The following FBXO31 variants were observed in gnomAD, a reference collection of about 807,000 sequenced individuals.
The protein encoded by FBXO31 is F-box protein 31, also known as F-box only protein 31.
FBXO31 carries 24 observed loss-of-function variants against 54.4 expected under a neutral mutation model. The observed-to-expected ratio is 0.44, with a 90% CI of 0.32 to 0.62. The LOEUF (loss-of-function observed/expected upper bound fraction) is 0.62. FBXO31 is among the 20% of genes least tolerant of loss of function. The pLI is 0.05. For synonymous variants in FBXO31, 388 were observed against 335.6 expected, an observed-to-expected ratio of 1.16 and a Z score of -1.71; for missense variants, 665 against 787.1, an observed-to-expected ratio of 0.84 and a Z score of 1.86.
intron 1 of FBXO31, among the ~76,000 whole-genome samples, chr16:87,370,112 T>C (rs1001119471): frequency 2.6e-5 from 4 of 152,188 alleles, no homozygotes; most frequent in African/African-American, 4.8e-5. Flanking sequence ...TCCATCTCTC[T>C]GGTGGGAATG....
At chr16:87,372,193 C>T (rs1293458423) in intron 1 of FBXO31, among the ~76,000 whole-genome samples, 2 of 152,138 alleles carry the variant, frequency 1.3e-5, no homozygotes, top group Non-Finnish European at 2.9e-5. Flanking sequence ...CATTGCACTG[C>T]AGTCTAGGCA....
In FBXO31 at chr16:87,345,683, A is replaced by T. The variant is rs915025165; in HGVS notation, c.489+1491T>A. ...CAGGAGAAAGAAAACAAGAAAAAGA[A>T]AAAAAGACTGAACACATCAGAGAGC... On this transcript the variant is annotated intron_variant, in intron 3 of 8. Transcript: ENST00000311635. This position sits in a 1 kb window ranked among gnomAD's most constrained non-coding sequence, Gnocchi z 4.9. 1.3e-5 allele frequency among the ~76,000 whole-genome samples: 2 copies of T among 152,232 alleles called. No homozygotes were observed. Among genetic ancestry groups the T allele is most frequent in the Admixed American group, 1.3e-4 (2 of 15,278 alleles).
upstream of FBXO31, among the ~76,000 whole-genome samples, chr16:87,384,396 G>T (rs966723241): frequency 1.3e-5 from 2 of 152,314 alleles, no homozygotes; most frequent in African/African-American, 4.8e-5. Flanking sequence ...CCCGGGGAGG[G>T]CTTGGAGGGG....
Position 87,336,970 on chromosome 16 carries a change from C to G in FBXO31, c.733-706G>C, listed in dbSNP as rs1905061275. ...CAGTGTTTCCAGTCATTATCTAGAC[C>G]TAACTCTGAAAGGGACGCATAAGCA... On this transcript the variant is annotated intron_variant, in intron 5 of 8. Transcript: ENST00000311635. This position sits in a 1 kb window ranked among gnomAD's most constrained non-coding sequence, Gnocchi z 6.5. Among the ~76,000 whole-genome samples the G allele has an allele frequency of 6.6e-6, 1 of 152,074 alleles. No homozygotes were observed. The highest frequency in any genetic ancestry group is 2.1e-4 in the South Asian group (1 of 4,826).
chr16:87,370,846 G>A (rs919699821), intron 1 of FBXO31, among the ~76,000 whole-genome samples: 19 of 152,162 alleles, frequency 1.2e-4, no homozygotes, highest in East Asian at 5.8e-4. Context: ...TTGTACTTGC[G>A]CTAAATTAGG....
chr16:87,341,655 C>CAA (rs397854967), intron 5 of FBXO31, among the ~76,000 whole-genome samples: 841 of 70,606 alleles, frequency 0.012, 36 homozygotes, highest in Non-Finnish European at 0.013. Flanking sequence ...GACTCCGTCT[C>CAA]AAAAAAAAAA....
intron 8 of FBXO31, 45 bp downstream of exon 8, chr16:87,333,841 C>T (rs1392344356): frequency 7.8e-6 from 12 of 1,545,264 alleles, no homozygotes; most frequent in Admixed American, 1.9e-5. Flanking sequence ...TCGCTGAAGC[C>T]CATGCTGTCC....
intron 2 of FBXO31, among the ~76,000 whole-genome samples, chr16:87,355,439 G>A (rs973255288): frequency 1.3e-5 from 2 of 152,212 alleles, no homozygotes; most frequent in African/African-American, 4.8e-5. Context: ...ACAGGCATAG[G>A]TTGAGGCTGT....
chr16:87,347,176 C>T lies in FBXO31; in HGVS notation c.487G>A (p.Val163Met), dbSNP rs768474633. Reference protein sequence around the residue: ...IGPYGGLLNVVVDGLFIIGWM... With the variant: ...IGPYGGLLNVMVDGLFIIGWM... ...CGTCGCGAGGCTCCGGGACTTACCACCACGTTCAGCAGTCCTCCGTATGGC... is the reference window on the plus strand; with the variant it reads ...CGTCGCGAGGCTCCGGGACTTACCATCACGTTCAGCAGTCCTCCGTATGGC... Residue 163 changes from valine (V) to methionine (M), a missense_variant and splice_region_variant, in exon 3 of 9, where the codon GTG becomes ATG. Val to Met is a conservative substitution (Grantham distance 21). Around this residue, in one of 4 missense-constraint regions of FBXO31, gnomAD observed 234 missense variants for 346.8 expected, o/e 0.67. Coordinates refer to ENST00000311635, the MANE Select transcript of FBXO31 (RefSeq NM_024735.5). The T allele has an allele frequency of 3.1e-6, 5 of 1,613,962 alleles. No homozygotes were observed. In the South Asian group the frequency reaches 4.4e-5, roughly 14 times the overall value.
upstream of FBXO31, among the ~76,000 whole-genome samples, chr16:87,387,019 C>T (rs1165378519): frequency 1.3e-5 from 2 of 152,048 alleles, no homozygotes; most frequent in African/African-American, 4.8e-5. Context: ...AAAGAAAAGG[C>T]TGGGAGTGGT....
intron 1 of FBXO31, among the ~76,000 whole-genome samples, chr16:87,380,197 C>T (rs1383445923): frequency 6.9e-6 from 1 of 144,938 alleles, no homozygotes; most frequent in Non-Finnish European, 1.5e-5. Flanking sequence ...ACTTAAGAGG[C>T]TGAGGCAGGA....
At chr16:87,354,110 T>C (rs151133422) in intron 2 of FBXO31, among the ~76,000 whole-genome samples, 1 of 152,362 alleles carries the variant, frequency 6.6e-6, no homozygotes, top group East Asian at 1.9e-4. Context: ...ACTCCATATT[T>C]TTAGAAGATA....
intron 1 of FBXO31, among the ~76,000 whole-genome samples, chr16:87,382,995 G>A (rs1020816046): frequency 3.9e-5 from 6 of 152,106 alleles, no homozygotes; most frequent in African/African-American, 1.2e-4. Flanking sequence ...CCCTCGGCTC[G>A]CCTTCAAGAC....
Position 87,335,558 on chromosome 16 carries a change from G to A in FBXO31, c.843-101C>T, listed in dbSNP as rs79057951. The A allele has an allele frequency of 7.5e-4, 855 of 1,134,842 alleles. 40 individuals carry two copies. In the African/African-American group the frequency reaches 0.011, roughly 14 times the overall value. The allele number at this position is 1,134,842 out of a possible 1,614,324, so 70.3% of individuals were successfully genotyped here. ...TGAGCTTTGCAGGGCGGGGTAGGGCGGGCAGCTCAGCTCAACCAGGGCCAG... is the reference window on the plus strand; with the variant it reads ...TGAGCTTTGCAGGGCGGGGTAGGGCAGGCAGCTCAGCTCAACCAGGGCCAG... On this transcript the variant is annotated intron_variant, in intron 6 of 8. Transcript: ENST00000311635. This position sits in a 1 kb window ranked among gnomAD's most constrained non-coding sequence, Gnocchi z 5.7.
chr16:87,383,377 C>A lies in FBXO31; in HGVS notation c.340+28G>T. ...CACCTGGCAGGGACCCCCCGCCCCT[C>A]CCGGCCCCGCCACCCCCGCGCGCTC... On this transcript the variant is annotated intron_variant, in intron 1 of 8. Coordinates refer to ENST00000311635, the MANE Select transcript of FBXO31 (RefSeq NM_024735.5). The surrounding 1 kb of genome is among the most constrained non-coding windows in gnomAD (Gnocchi z 4.9). 68 of 1,475,234 alleles carry A rather than the reference C, an allele frequency of 4.6e-5. No homozygotes were observed. Among genetic ancestry groups the A allele is most frequent in the Non-Finnish European group, 6.0e-5 (66 of 1,093,554 alleles). 91.4% of individuals were successfully genotyped at this position (1,475,234 alleles called of 1,614,324 possible). A position where few individuals can be genotyped will look rare whatever the true frequency, so the allele number is the denominator to read the frequency against.
At chr16:87,384,494 C>T (rs1907257014), upstream of FBXO31, among the ~76,000 whole-genome samples, 1 of 152,244 alleles carries the variant, frequency 6.6e-6, no homozygotes, top group Non-Finnish European at 1.5e-5. Flanking sequence ...CAAAGGGCGC[C>T]TGTTCCTGCA....
rs555569412 is a variant in FBXO31, at chr16:87,338,342, C to T, written c.733-2078G>A. Reference sequence around the variant, plus strand: ...ATTGTACTCGCGACCCTCGTGGCAGCGCCGGCAGAGGGGGCTGAGGGTGAC... The same window carrying T: ...ATTGTACTCGCGACCCTCGTGGCAGTGCCGGCAGAGGGGGCTGAGGGTGAC... On this transcript the variant is annotated intron_variant, in intron 5 of 8. Transcript: ENST00000311635. The surrounding 1 kb of genome is among the most constrained non-coding windows in gnomAD (Gnocchi z 4.3). Among the ~76,000 whole-genome samples the T allele has an allele frequency of 6.6e-5, 10 of 152,186 alleles. No individual in the cohort carries two copies. The highest frequency in any genetic ancestry group is 4.1e-4 in the South Asian group (2 of 4,820).
chr16:87,355,158 G>C (rs1391725248), intron 2 of FBXO31, among the ~76,000 whole-genome samples: 1 of 152,056 alleles, frequency 6.6e-6, no homozygotes, highest in Non-Finnish European at 1.5e-5. Flanking sequence ...AGGAGTTTAA[G>C]ACCAGCCTGG....
chr16:87,361,014 CA>C (rs1165505786), intron 1 of FBXO31, among the ~76,000 whole-genome samples: 1 of 152,202 alleles, frequency 6.6e-6, no homozygotes, highest in African/African-American at 2.4e-5. Flanking sequence ...TTTTCACAAT[CA>C]CCAACACCCA....
Sources: gnomAD v4.1 joint callset for allele counts (sites outside exome capture counted in the v4.1 genomes callset) on GRCh38, gnomAD v4.1.1 for gene constraint, gnomAD v4.1.1 regional missense constraint, Gnocchi (gnomAD v3.1) non-coding constraint, MANE v1.5 for transcripts, NCBI Gene and HGNC (gene_info 2026-07-23, HGNC 2026-07-21) for gene names.